The following AKAP11 variants were observed in gnomAD, a reference collection of about 807,000 sequenced individuals.
AKAP11 encodes the protein A-kinase anchoring protein 11.
A neutral mutation model predicts 146.1 loss-of-function variants in AKAP11; 36 were observed. The ratio of observed to expected loss-of-function variants is 0.25; its 90% CI spans 0.19 to 0.33. AKAP11 has a LOEUF of 0.33. AKAP11 is among the 10% of genes least tolerant of loss of function. The pLI is 1.00. For synonymous variants in AKAP11, 780 were observed against 786.5 expected, an observed-to-expected ratio of 0.99 and a Z score of 0.14; for missense variants, 2,201 against 2,197.0, an observed-to-expected ratio of 1.00 and a Z score of -0.04.
At chr13:42,276,040 A>T (rs1361821710) in intron 1 of AKAP11, among the ~76,000 whole-genome samples, 1 of 152,070 alleles carries the variant, frequency 6.6e-6, no homozygotes, top group East Asian at 1.9e-4. Context: ...TCTGACTGCC[A>T]TTTATTTGTG....
intron 9 of AKAP11, among the ~76,000 whole-genome samples, chr13:42,310,267 G>A (rs562060998): frequency 5.3e-5 from 8 of 152,226 alleles, no homozygotes; most frequent in Non-Finnish European, 1.0e-4. Flanking sequence ...GTAATGCTGC[G>A]TGGCATTAAG....
rs1854317373 is a variant in AKAP11, at chr13:42,300,118, C to G, written c.1372C>G (p.Leu458Val). 6.2e-7 allele frequency: 1 copy of G among 1,613,816 alleles called. No homozygotes were observed. The highest frequency in any genetic ancestry group is 1.7e-5 in the Admixed American group (1 of 59,996). Residue 458 changes from leucine to valine, a missense_variant, in exon 8 of 13, where the codon CTT (leucine) becomes GTT (valine). Transcript: ENST00000025301. ...SPIRSSAFSP[L>V]GGCTPAECFC... ...TATTCGATCCTCTGCTTTTAGTCCT[C>G]TTGGAGGCTGTACTCCAGCTGAATG...
intron 5 of AKAP11, among the ~76,000 whole-genome samples, chr13:42,296,487 T>TA (rs761322007): frequency 1.3e-5 from 2 of 152,124 alleles, no homozygotes; most frequent in Non-Finnish European, 2.9e-5. Flanking sequence ...AAGACTTTAA[T>TA]AATTCTTTAG....
In AKAP11 at chr13:42,301,034, A is replaced by C; in HGVS notation, c.2288A>C (p.Glu763Ala). Reference protein sequence around the residue: ...VTKPVQEYKKEYTVQQALFCT... With the variant: ...VTKPVQEYKKAYTVQQALFCT... Reference sequence around the variant, plus strand: ...AAACCAGTGCAGGAATATAAAAAGGAATACACAGTGCAGCAGGCCTTGTTT... The same window carrying C: ...AAACCAGTGCAGGAATATAAAAAGGCATACACAGTGCAGCAGGCCTTGTTT... The change falls in exon 8 of 13, where the codon GAA (glutamate) becomes GCA (alanine). Residue 763 changes from glutamate (E) to alanine (A), a missense_variant. Physicochemically the swap from Glu to Ala is moderately radical, Grantham distance 107. Around this residue, in one of 3 missense-constraint regions of AKAP11, gnomAD observed 1,867 missense variants for 1,833.5 expected, o/e 1.02. Coordinates refer to ENST00000025301, the MANE Select transcript of AKAP11 (RefSeq NM_016248.4). 1 of 1,614,142 alleles carries C rather than the reference A, an allele frequency of 6.2e-7. No homozygotes were observed. Among genetic ancestry groups the C allele is most frequent in the Non-Finnish European group, 8.5e-7 (1 of 1,179,966 alleles).
chr13:42,318,503 A>C (rs1261903747), intron 12 of AKAP11, among the ~76,000 whole-genome samples: 3 of 152,236 alleles, frequency 2.0e-5, no homozygotes, highest in Non-Finnish European at 2.9e-5. Flanking sequence ...TTAGTAGAAA[A>C]AGAAATGAAC....
chr13:42,299,808 A>T lies in AKAP11; in HGVS notation c.1062A>T (p.Glu354Asp). 6.2e-7 allele frequency: 1 copy of T among 1,613,798 alleles called. No homozygotes were observed. The highest frequency in any genetic ancestry group is 1.7e-5 in the Admixed American group (1 of 59,982). The change falls in exon 8 of 13, where the codon GAA becomes GAT. Residue 354 changes from glutamate (E) to aspartate (D), a missense_variant. Physicochemically the swap from Glu to Asp is conservative, Grantham distance 45 (BLOSUM62 2). This residue lies in a region of AKAP11 where 1,867 missense variants were observed against 1,833.5 expected (regional missense o/e 1.02). Transcript: ENST00000025301. ...DIEDSDSEVS[E>D]FFDSFDQFDE... is the part of the protein sequence containing the mutation. ...AGGATTCAGACTCAGAAGTAAGTGA[A>T]TTTTTTGATAGTTTTGATCAGTTTG...
At chr13:42,312,960 T>A in intron 9 of AKAP11, 87 bp from the exon 10 acceptor site, 1 of 1,101,758 alleles carries the variant, frequency 9.1e-7, no homozygotes, top group Admixed American at 2.1e-5. Flanking sequence ...TCTGCAGTTA[T>A]CAAGGACAGA....
rs1313738712 is a variant in AKAP11 at position 42,303,302 on chromosome 13, G to A, written c.4556G>A (p.Arg1519Lys). 6.2e-7 allele frequency: 1 copy of A among 1,612,760 alleles called. No individual in the cohort carries two copies. Residue 1519 changes from arginine to lysine, a missense_variant, in exon 8 of 13, where the codon AGG becomes AAG. Arg to Lys is a conservative substitution (Grantham distance 26). Around this residue, in one of 3 missense-constraint regions of AKAP11, gnomAD observed 1,867 missense variants for 1,833.5 expected, o/e 1.02. Transcript: ENST00000025301. Reference protein sequence around the residue: ...KSLQPSSQNHRFYHSTGSLNG... With the variant: ...KSLQPSSQNHKFYHSTGSLNG... ...CTTCAGCCTTCCTCACAAAATCACA[G>A]GTTTTACCACAGCACTGGCAGTTTA...
At chr13:42,292,535 T>G (rs1959256591) in intron 4 of AKAP11, 34 bp downstream of exon 4, 2 of 1,294,136 alleles carry the variant, frequency 1.5e-6, no homozygotes, top group African/African-American at 1.4e-5. Flanking sequence ...CCTTTCCTAA[T>G]AATGCACAGC....
intron 1 of AKAP11, among the ~76,000 whole-genome samples, chr13:42,275,217 C>G (rs1338126586): frequency 6.6e-6 from 1 of 152,238 alleles, no homozygotes; most frequent in East Asian, 1.9e-4. Context: ...CAGTTTCTTT[C>G]AGATTGGCCT....
At chr13:42,307,731 T>C (rs955063340) in intron 8 of AKAP11, among the ~76,000 whole-genome samples, 9 of 152,168 alleles carry the variant, frequency 5.9e-5, no homozygotes, top group African/African-American at 2.2e-4. Flanking sequence ...ATGGATGTTA[T>C]AAGAGGGGAC....
At chr13:42,288,547 A>G (rs1201650317) in intron 3 of AKAP11, among the ~76,000 whole-genome samples, 1 of 152,212 alleles carries the variant, frequency 6.6e-6, no homozygotes, top group East Asian at 1.9e-4. Context: ...GAACACATCC[A>G]AGAAAAATAA....
chr13:42,289,222 T>G (rs185557784), intron 3 of AKAP11, among the ~76,000 whole-genome samples: 110 of 152,310 alleles, frequency 7.2e-4, no homozygotes, highest in Admixed American at 4.1e-3. Context: ...CTTTCACATT[T>G]ATTTGCTGGT....
chr13:42,319,417 AAAT>A lies in AKAP11; in HGVS notation c.*191_*193del. 1 of 679,068 alleles carries A rather than the reference AAAT, an allele frequency of 1.5e-6. No homozygotes were observed. The highest frequency in any genetic ancestry group is 3.2e-5 in the Admixed American group (1 of 30,858). 42.1% of individuals were successfully genotyped at this position (679,068 alleles called of 1,614,324 possible). A position where few individuals can be genotyped will look rare whatever the true frequency, so the allele number is the denominator to read the frequency against. On this transcript the variant is annotated 3_prime_UTR_variant, in exon 13 of 13. Transcript: ENST00000025301. ...TAGTTCATACTTTTGTAATCTGTCAAAATACTACCTTCATTTATTCTTCTATAC... is the reference window on the plus strand; with the variant it reads ...TAGTTCATACTTTTGTAATCTGTCAAACTACCTTCATTTATTCTTCTATAC...
intron 1 of AKAP11, among the ~76,000 whole-genome samples, chr13:42,277,931 A>G (rs560925828): frequency 1.9e-4 from 29 of 152,332 alleles, no homozygotes; most frequent in African/African-American, 6.7e-4. Flanking sequence ...ACTGTTACAT[A>G]AGGCACTGTA....
chr13:42,279,422 A>G (rs1192926430), intron 1 of AKAP11, among the ~76,000 whole-genome samples: 2 of 152,118 alleles, frequency 1.3e-5, no homozygotes, highest in African/African-American at 4.8e-5. Flanking sequence ...TTCATTTTGG[A>G]TAGCTTCTAT....
rs1002277949 is a variant in AKAP11 at position 42,286,887 on chromosome 13, C to T, written c.51+488C>T. Among the ~76,000 whole-genome samples the T allele has an allele frequency of 4.6e-5, 7 of 152,292 alleles. No homozygotes were observed. In the East Asian group the frequency reaches 1.3e-3, roughly 29 times the overall value. On this transcript the variant is annotated intron_variant, in intron 3 of 12. Coordinates refer to ENST00000025301, the MANE Select transcript of AKAP11 (RefSeq NM_016248.4). ...ATTTGGTTAACCTTCCATTTCTTGA[C>T]ATTTTTGTCTTTGCTAAAACTTTGG...
At chr13:42,314,395 A>G (rs576778997) in intron 11 of AKAP11, among the ~76,000 whole-genome samples, 1 of 149,022 alleles carries the variant, frequency 6.7e-6, no homozygotes, top group African/African-American at 2.5e-5. Context: ...CAGTGAGCCG[A>G]GATCATGCCA....
At chr13:42,288,780 T>A (rs2138496551) in intron 3 of AKAP11, among the ~76,000 whole-genome samples, 1 of 152,352 alleles carries the variant, frequency 6.6e-6, no homozygotes, top group South Asian at 2.1e-4. Flanking sequence ...TTTTATTTTC[T>A]TGTACCATGT....
Sources: gnomAD v4.1 joint callset for allele counts (sites outside exome capture counted in the v4.1 genomes callset) on GRCh38, gnomAD v4.1.1 for gene constraint, gnomAD v4.1.1 regional missense constraint, MANE v1.5 for transcripts, NCBI Gene and HGNC (gene_info 2026-07-23, HGNC 2026-07-21) for gene names.